PUDP: variants seen among roughly 807,000 people sequenced by gnomAD.
The protein encoded by PUDP is pseudouridine 5'-phosphatase.
PUDP carries 8 observed loss-of-function variants against 9.4 expected under a neutral mutation model. That is an observed-to-expected ratio of 0.85 (90% CI 0.50 to 1.53). PUDP has a LOEUF of 1.53. Among genes scored for constraint, PUDP ranks in the 40% most tolerant of loss-of-function variants. PUDP has a pLI of 0.00. For missense variants in PUDP, 188 were observed against 189.7 expected (o/e 0.99, Z 0.05); for synonymous variants, 99 against 80.7 (o/e 1.23, Z -1.22).
intron 3 of PUDP, among the ~76,000 whole-genome samples, chrX:6,854,531 T>C (rs1370393381): frequency 1.8e-5 from 2 of 112,072 alleles, no homozygotes; most frequent in Non-Finnish European, 1.9e-5. Context: ...AAAATTCAAA[T>C]ATAACTTTTG....
intron 2 of PUDP, among the ~76,000 whole-genome samples, chrX:7,091,593 G>A (rs1265859246): frequency 2.8e-5 from 3 of 108,154 alleles, no homozygotes; most frequent in Admixed American, 9.6e-5. Flanking sequence ...CACCTGCCTT[G>A]GCCTCCCAAA....
At chrX:6,826,888 C>T (rs1926431045) in intron 3 of PUDP, among the ~76,000 whole-genome samples, 1 of 111,639 alleles carries the variant, frequency 9.0e-6, no homozygotes, top group African/African-American at 3.3e-5. Context: ...GGTGAAGTCC[C>T]CTTAACTGTC....
intron 3 of PUDP, among the ~76,000 whole-genome samples, chrX:6,800,225 T>C (rs894519521): frequency 5.4e-5 from 6 of 112,142 alleles, no homozygotes; most frequent in African/African-American, 1.6e-4. Context: ...GACTTTGATA[T>C]AGTCCTCCTC....
chrX:6,806,350 C>A (rs999539528), intron 3 of PUDP, among the ~76,000 whole-genome samples: 32 of 111,670 alleles, frequency 2.9e-4, no homozygotes, highest in Admixed American at 1.1e-3. Context: ...TTTATTGAGA[C>A]AATGTCTTCT....
chrX:6,895,517 C>G (rs1927578046), intron 3 of PUDP, among the ~76,000 whole-genome samples: 1 of 109,000 alleles, frequency 9.2e-6, no homozygotes, highest in African/African-American at 3.3e-5. Flanking sequence ...AGAAGCCTGA[C>G]AATTTAAAAT....
chrX:7,050,139 A>T lies in PUDP; in HGVS notation c.*157T>A. The T allele has an allele frequency of 2.1e-6, 1 of 479,167 alleles. No homozygotes were observed. The highest frequency in any genetic ancestry group is 3.4e-6 in the Non-Finnish European group (1 of 295,285). The allele number at this position is 479,167 out of a possible 1,213,427, so 39.5% of individuals were successfully genotyped here. A position where few individuals can be genotyped will look rare whatever the true frequency, so the allele number is the denominator to read the frequency against. On this transcript the variant is annotated 3_prime_UTR_variant, in exon 4 of 4. Transcript: ENST00000381077. ...TCAAGTCACATTTTATCAACACGTT[A>T]GACTGGGACAAACCAACATGGGATG...
intron 2 of PUDP, among the ~76,000 whole-genome samples, chrX:7,082,243 C>T (rs1315420455): frequency 8.9e-5 from 10 of 111,998 alleles, no homozygotes; most frequent in African/African-American, 3.2e-4. Context: ...TGGGAAGAAA[C>T]GCTCCTGCTT....
In PUDP at chrX:6,716,000, C is replaced by T. The variant is rs1310286781; in HGVS notation, n.128+5417G>A. The stretch of plus-strand genomic sequence containing the variant: ...AAGGCATGTCAGAGAAGGGCTCCCA[C>T]GAAACTAGATCATGTTCTTGATTCT... On this transcript the variant is annotated intron_variant and non_coding_transcript_variant, in intron 1 of 2. Transcript: ENST00000438499. 1.6e-4 allele frequency among the ~76,000 whole-genome samples: 18 copies of T among 110,629 alleles called. No individual in the cohort carries two copies. In the Admixed American group the frequency reaches 1.6e-3, roughly 10 times the overall value.
intron 3 of PUDP, among the ~76,000 whole-genome samples, chrX:6,766,176 T>A (rs986305911): frequency 8.9e-6 from 1 of 111,803 alleles, no homozygotes. Flanking sequence ...ATCAGGACGT[T>A]CTCCAATGAA....
chrX:6,711,655 C>T (rs1924533503), intron 1 of PUDP, among the ~76,000 whole-genome samples: 1 of 111,666 alleles, frequency 9.0e-6, no homozygotes, highest in Admixed American at 9.5e-5. Flanking sequence ...GAAACTTTTC[C>T]TTCCGAGGCT....
intron 3 of PUDP, among the ~76,000 whole-genome samples, chrX:6,836,963 A>C (rs1316247085): frequency 1.8e-5 from 2 of 112,239 alleles, no homozygotes; most frequent in African/African-American, 6.5e-5. Flanking sequence ...AAAGCAGGAA[A>C]AGGAGATAGT....
intron 1 of PUDP, among the ~76,000 whole-genome samples, chrX:6,982,025 C>A (rs1180909227): frequency 1.1e-5 from 1 of 88,725 alleles, no homozygotes; most frequent in Admixed American, 1.2e-4. Context: ...CTTATGGATA[C>A]ACACACACAC....
At chrX:6,788,152 C>A (rs965206362) in intron 3 of PUDP, among the ~76,000 whole-genome samples, 1 of 111,962 alleles carries the variant, frequency 8.9e-6, no homozygotes, top group Admixed American at 9.5e-5. Context: ...TCAGTAGAAG[C>A]CATACCTTGA....
intron 1 of PUDP, among the ~76,000 whole-genome samples, chrX:7,036,488 G>A (rs1320523624): frequency 9.0e-6 from 1 of 111,360 alleles, no homozygotes; most frequent in African/African-American, 3.3e-5. Flanking sequence ...ACCCATGCAA[G>A]GCATTTAGTG....
At chrX:6,820,161 A>C (rs1384817726) in intron 3 of PUDP, among the ~76,000 whole-genome samples, 1 of 109,942 alleles carries the variant, frequency 9.1e-6, no homozygotes, top group East Asian at 2.9e-4. Flanking sequence ...ACCCCTGATA[A>C]ACCCAATAGA....
chrX:7,094,118 A>T (rs1288585424), intron 2 of PUDP, among the ~76,000 whole-genome samples: 1 of 110,651 alleles, frequency 9.0e-6, no homozygotes, highest in South Asian at 3.9e-4. Flanking sequence ...ATAGAGTGAG[A>T]TCCTGTGTCA....
At chrX:6,708,502 C>T (rs1002372850) in intron 1 of PUDP, among the ~76,000 whole-genome samples, 3 of 112,023 alleles carry the variant, frequency 2.7e-5, no homozygotes, top group African/African-American at 9.7e-5. Flanking sequence ...GGAAAATGTA[C>T]TGCATACAAA....
intron 3 of PUDP, among the ~76,000 whole-genome samples, chrX:6,757,351 G>C (rs1266693277): frequency 9.0e-6 from 1 of 110,657 alleles, no homozygotes; most frequent in Non-Finnish European, 1.9e-5. Flanking sequence ...GGAATCCATA[G>C]TGCTAGGGAG....
At chrX:7,051,445 C>T (rs1930098981) in intron 3 of PUDP, among the ~76,000 whole-genome samples, 5 of 111,215 alleles carry the variant, frequency 4.5e-5, no homozygotes, top group Admixed American at 9.5e-5. Context: ...GTTCGGTTGA[C>T]GTGTGTGCTA....
Sources: gnomAD v4.1 joint callset for allele counts (sites outside exome capture counted in the v4.1 genomes callset) on GRCh38, gnomAD v4.1.1 for gene constraint, MANE v1.5 for transcripts, NCBI Gene and HGNC (gene_info 2026-07-23, HGNC 2026-07-21) for gene names.